Variants in PCDHA1 observed in about 807,000 individuals in gnomAD.
PCDHA1 encodes protocadherin alpha-1.
In PCDHA1, 42 loss-of-function variants were observed where a neutral mutation model predicts 61.3. That is an observed-to-expected ratio of 0.69 (90% CI 0.54 to 0.89). The LOEUF (loss-of-function observed/expected upper bound fraction) is 0.89, where lower values mean the gene tolerates loss of function less well. Ranked by LOEUF, PCDHA1 falls within the 40% of genes least tolerant of loss-of-function variation. The pLI is 0.00. For synonymous variants in PCDHA1, 610 were observed against 553.8 expected, an observed-to-expected ratio of 1.10 and a Z score of -1.43; for missense variants, 1,256 against 1,235.3, an observed-to-expected ratio of 1.02 and a Z score of -0.25.
chr5:140,844,047 C>A (rs2150368498), intron 1 of PCDHA1, among the ~76,000 whole-genome samples: 1 of 149,488 alleles, frequency 6.7e-6, no homozygotes, highest in African/African-American at 2.5e-5. Context: ...TGAAAGTATT[C>A]CCCCAAAGCG....
intron 1 of PCDHA1, among the ~76,000 whole-genome samples, chr5:140,926,042 T>A (rs1316278838): frequency 2.0e-5 from 3 of 152,148 alleles, no homozygotes; most frequent in African/African-American, 7.2e-5. Context: ...CGGACACTAT[T>A]CCCCAACCTT....
intron 1 of PCDHA1, among the ~76,000 whole-genome samples, chr5:140,964,657 G>A (rs2067599): frequency 0.18 from 27,796 of 151,812 alleles, 2,893 homozygotes; most frequent in African/African-American, 0.28. Context: ...TAATGGGTGA[G>A]GACACAGGCC....
intron 1 of PCDHA1, among the ~76,000 whole-genome samples, chr5:140,894,474 T>C (rs1333675195): frequency 6.6e-6 from 1 of 152,022 alleles, no homozygotes; most frequent in Non-Finnish European, 1.5e-5. Flanking sequence ...TTATTCTTGT[T>C]TTCATCTTAT....
chr5:140,879,184 T>C (rs1368886985), intron 1 of PCDHA1, among the ~76,000 whole-genome samples: 1 of 152,136 alleles, frequency 6.6e-6, no homozygotes, highest in Admixed American at 6.5e-5. Flanking sequence ...TATCAAGTAA[T>C]GGAGACTTAA....
chr5:140,863,300 C>T (rs1554158081), intron 1 of PCDHA1: 1 of 1,463,972 alleles, frequency 6.8e-7, no homozygotes, highest in Admixed American at 1.8e-5. Flanking sequence ...CTGATCATCG[C>T]CATCTGCGTG....
At chr5:140,862,646 C>A (rs2047467861) in intron 1 of PCDHA1, 1 of 541,802 alleles carries the variant, frequency 1.8e-6, no homozygotes, top group Admixed American at 1.9e-5. Flanking sequence ...TTCACAGTGT[C>A]CGCGCGGGAC....
intron 3 of PCDHA1, among the ~76,000 whole-genome samples, chr5:141,006,384 T>G (rs181638891): frequency 6.6e-6 from 1 of 152,126 alleles, no homozygotes; most frequent in African/African-American, 2.4e-5. Flanking sequence ...GCTAAGTTTT[T>G]TCTATTTTTT....
intron 1 of PCDHA1, chr5:140,877,428 G>A: frequency 6.2e-7 from 1 of 1,613,886 alleles, no homozygotes; most frequent in Non-Finnish European, 8.5e-7. Flanking sequence ...TGCTGGTGAA[G>A]GACCACGGTG....
intron 1 of PCDHA1, chr5:140,843,075 T>C: frequency 6.3e-7 from 1 of 1,595,272 alleles, no homozygotes; most frequent in Non-Finnish European, 8.6e-7. Context: ...CCGCGGTCTG[T>C]GGGCGCGGGC....
Position 140,932,626 on chromosome 5 carries a change from C to T in PCDHA1, c.2395-46323C>T, listed in dbSNP as rs965543719. 1.2e-4 allele frequency among the ~76,000 whole-genome samples: 18 copies of T among 151,670 alleles called. 1 individual carries two copies. The highest frequency in any genetic ancestry group is 8.9e-5 in the Non-Finnish European group (6 of 67,754). On this transcript the variant is annotated intron_variant, in intron 1 of 3. Coordinates refer to ENST00000504120, the MANE Select transcript of PCDHA1 (RefSeq NM_018900.4). ...TTTGACTTTGAAGCTGATAACCACA[C>T]TAAAAAACTTTAGAATGATGAAACT...
chr5:140,834,367 C>T (rs2150215817), intron 1 of PCDHA1: 2 of 1,554,312 alleles, frequency 1.3e-6, no homozygotes, highest in Admixed American at 2.0e-5. Flanking sequence ...ACTAGAAAAA[C>T]AAGCCAATAA....
In PCDHA1 at chr5:140,871,238, T is replaced by C. The variant is rs200192228; in HGVS notation, c.2394+82554T>C. 68 of 1,613,968 alleles carry C rather than the reference T, an allele frequency of 4.2e-5. No homozygotes were observed. The Admixed American group carries it at 6.2e-4, about 15-fold the overall frequency. ...TGCGTGGTGTCCAGCCTCCTGGTACTCACGCTGCTGCTGTATACGGCGCTG... is the reference window on the plus strand; with the variant it reads ...TGCGTGGTGTCCAGCCTCCTGGTACCCACGCTGCTGCTGTATACGGCGCTG... On this transcript the variant is annotated intron_variant, in intron 1 of 3. Transcript: ENST00000504120.
At position 140,836,981 on chromosome 5, in the gene PCDHA1, G is replaced by A. The variant is rs183710042; in HGVS notation, c.2394+48297G>A. ...TGTTGGCTACTCTCCATTTTTGGAG[G>A]AGGACTTTGCTAACTGGAGCAATGG... On this transcript the variant is annotated intron_variant, in intron 1 of 3. Coordinates refer to ENST00000504120, the MANE Select transcript of PCDHA1 (RefSeq NM_018900.4). 6.9e-5 allele frequency: 25 copies of A among 364,912 alleles called. 1 individual carries two copies. The highest frequency in any genetic ancestry group is 8.2e-5 in the Non-Finnish European group (17 of 207,076). The allele number at this position is 364,912 out of a possible 1,614,324, so 22.6% of individuals were successfully genotyped here.
chr5:140,821,673 G>A (rs1767026894), intron 1 of PCDHA1: 3 of 1,306,066 alleles, frequency 2.3e-6, no homozygotes, highest in African/African-American at 3.0e-5. Context: ...AAGAAGCTCA[G>A]AAAGGCGATA....
At chr5:140,983,641 C>T (rs1030470329) in intron 3 of PCDHA1, among the ~76,000 whole-genome samples, 4 of 152,164 alleles carry the variant, frequency 2.6e-5, no homozygotes, top group Admixed American at 1.3e-4. Flanking sequence ...CCCAAGTTCA[C>T]GTAGCTTGTA....
intron 3 of PCDHA1, among the ~76,000 whole-genome samples, chr5:141,004,044 T>G (rs2098148933): frequency 6.6e-6 from 1 of 152,234 alleles, no homozygotes; most frequent in African/African-American, 2.4e-5. Context: ...ATTGATCATT[T>G]GCTGATACTG....
intron 1 of PCDHA1, chr5:140,843,649 T>C: frequency 6.3e-7 from 1 of 1,595,168 alleles, no homozygotes. Context: ...GCCCCTGCCT[T>C]CCTCCTGATC....
chr5:140,834,122 A>G (rs1171530396), intron 1 of PCDHA1: 1 of 434,976 alleles, frequency 2.3e-6, no homozygotes, highest in Non-Finnish European at 4.0e-6. Flanking sequence ...TTGAAATAAA[A>G]CTTTTCATCT....
chr5:140,927,340 G>C, intron 1 of PCDHA1: 1 of 1,614,030 alleles, frequency 6.2e-7, no homozygotes, highest in Non-Finnish European at 8.5e-7. Flanking sequence ...GAATGCCCAA[G>C]ATGACGACGA....
Sources: gnomAD v4.1 joint callset for allele counts (sites outside exome capture counted in the v4.1 genomes callset) on GRCh38, gnomAD v4.1.1 for gene constraint, MANE v1.5 for transcripts, NCBI Gene and HGNC (gene_info 2026-07-23, HGNC 2026-07-21) for gene names.